IMMP2L: variants seen among roughly 807,000 people sequenced by gnomAD.
IMMP2L encodes the protein inner mitochondrial membrane peptidase subunit 2.
IMMP2L carries 18 observed loss-of-function variants against 19.3 expected under a neutral mutation model. The observed-to-expected ratio is 0.93, with a 90% confidence interval of 0.64 to 1.38. IMMP2L has a LOEUF of 1.38. Ranked by LOEUF, IMMP2L falls within the 40% of genes most tolerant of loss-of-function variation. The probability of loss-of-function intolerance (pLI) is 0.00; values close to 1 mark genes in which losing one functional copy is unlikely to be tolerated. For missense variants in IMMP2L, 233 were observed against 218.2 expected, an observed-to-expected ratio of 1.07 and a Z score of -0.43; for synonymous variants, 76 against 73.0, an observed-to-expected ratio of 1.04 and a Z score of -0.21.
At chr7:111,369,295 C>T (rs1222982006) in intron 3 of IMMP2L, among the ~76,000 whole-genome samples, 1 of 151,930 alleles carries the variant, frequency 6.6e-6, no homozygotes, top group African/African-American at 2.4e-5. Context: ...AATGCATCTT[C>T]TATAGGTTTT....
chr7:111,199,046 T>C (rs1809813774), intron 3 of IMMP2L, among the ~76,000 whole-genome samples: 1 of 152,172 alleles, frequency 6.6e-6, no homozygotes, highest in Non-Finnish European at 1.5e-5. Context: ...CACTACATTT[T>C]CGAACTGCAT....
At chr7:111,018,588 A>T (rs923748823) in intron 3 of IMMP2L, among the ~76,000 whole-genome samples, 3 of 152,150 alleles carry the variant, frequency 2.0e-5, no homozygotes, top group African/African-American at 4.8e-5. Flanking sequence ...AGTATTTTGC[A>T]TAAACTCATT....
chr7:111,414,097 T>A (rs140233294), intron 3 of IMMP2L, among the ~76,000 whole-genome samples: 1 of 151,694 alleles, frequency 6.6e-6, no homozygotes, highest in Non-Finnish European at 1.5e-5. Flanking sequence ...TGCAGTGAAC[T>A]TGACCCCCTC....
At chr7:111,515,167 C>T (rs1845776913) in intron 2 of IMMP2L, among the ~76,000 whole-genome samples, 1 of 152,110 alleles carries the variant, frequency 6.6e-6, no homozygotes, top group South Asian at 2.1e-4. Context: ...GGCCTGGTTG[C>T]AAGCTGCATG....
chr7:111,196,686 T>C (rs117530856), intron 3 of IMMP2L, among the ~76,000 whole-genome samples: 8,561 of 152,264 alleles, frequency 0.056, 326 homozygotes, highest in Middle Eastern at 0.1. Flanking sequence ...ATGATTTAAA[T>C]TTAAATAATC....
At chr7:111,292,792 T>C (rs1460849854) in intron 3 of IMMP2L, among the ~76,000 whole-genome samples, 1 of 152,032 alleles carries the variant, frequency 6.6e-6, no homozygotes, top group Non-Finnish European at 1.5e-5. Context: ...GAAAAATGAA[T>C]TGAGTTAATA....
intron 3 of IMMP2L, among the ~76,000 whole-genome samples, chr7:111,043,800 C>T (rs566298429): frequency 1.3e-5 from 2 of 152,222 alleles, no homozygotes; most frequent in South Asian, 2.1e-4. Flanking sequence ...GAAGACAATG[C>T]TTTTAATTAC....
At chr7:111,489,859 T>C (rs909192157) in intron 2 of IMMP2L, among the ~76,000 whole-genome samples, 18 of 152,130 alleles carry the variant, frequency 1.2e-4, no homozygotes, top group Non-Finnish European at 2.5e-4. Context: ...GAATTTGTTA[T>C]CATTTCAACA....
chr7:111,284,062 T>C (rs1423732819), intron 3 of IMMP2L, among the ~76,000 whole-genome samples: 1 of 151,754 alleles, frequency 6.6e-6, no homozygotes, highest in Non-Finnish European at 1.5e-5. Context: ...TACCATTTTC[T>C]CCTCAGTATA....
chr7:111,196,593 T>C (rs1809529168), intron 3 of IMMP2L, among the ~76,000 whole-genome samples: 1 of 152,164 alleles, frequency 6.6e-6, no homozygotes, highest in Non-Finnish European at 1.5e-5. Context: ...AAGCAATACA[T>C]GCTCATTGTG....
At chr7:111,276,185 T>C (rs575387650) in intron 3 of IMMP2L, among the ~76,000 whole-genome samples, 88 of 152,258 alleles carry the variant, frequency 5.8e-4, no homozygotes, top group Non-Finnish European at 8.5e-4. Flanking sequence ...AAGGAAATTT[T>C]TGCATCTATT....
intron 2 of IMMP2L, among the ~76,000 whole-genome samples, chr7:111,511,125 T>A (rs1374536278): frequency 1.3e-5 from 2 of 151,954 alleles, no homozygotes; most frequent in East Asian, 3.9e-4. Flanking sequence ...CAAGAAATCA[T>A]CCATTCATCA....
chr7:110,765,061 G>A (rs944215759), intron 5 of IMMP2L, among the ~76,000 whole-genome samples: 1 of 151,974 alleles, frequency 6.6e-6, no homozygotes, highest in Non-Finnish European at 1.5e-5. Context: ...TAGACATTTT[G>A]CCGCTATATT....
At chr7:111,009,383 T>C (rs1314757974) in intron 3 of IMMP2L, among the ~76,000 whole-genome samples, 2 of 152,094 alleles carry the variant, frequency 1.3e-5, no homozygotes, top group Non-Finnish European at 2.9e-5. Context: ...TCTGAGTGTA[T>C]TTTTTATTTT....
intron 3 of IMMP2L, among the ~76,000 whole-genome samples, chr7:111,364,109 A>G (rs995592696): frequency 1.3e-5 from 2 of 152,054 alleles, no homozygotes; most frequent in African/African-American, 4.8e-5. Flanking sequence ...ATATATTTAT[A>G]TCTCTGTTTC....
chr7:110,888,935 T>C (rs78708598), intron 4 of IMMP2L, among the ~76,000 whole-genome samples: 1 of 152,130 alleles, frequency 6.6e-6, no homozygotes, highest in African/African-American at 2.4e-5. Flanking sequence ...AATGACCAAA[T>C]GAATGAATAT....
rs527789258 is a variant in IMMP2L at position 110,829,023 on chromosome 7, T to A, written c.408+57570A>T. ...TTAGAAGTAACATCATTTCCAATAC[T>A]TCATATATGTATGGCTATTTAAAGT... On this transcript the variant is annotated intron_variant, in intron 5 of 5. Coordinates refer to ENST00000405709, the MANE Select transcript of IMMP2L (RefSeq NM_032549.4). Among the ~76,000 whole-genome samples, 25 of 152,190 alleles carry A rather than the reference T, an allele frequency of 1.6e-4. 1 individual carries two copies. The highest frequency in any genetic ancestry group is 2.8e-4 in the Non-Finnish European group (19 of 68,034).
intron 5 of IMMP2L, among the ~76,000 whole-genome samples, chr7:110,830,195 C>T (rs1803846042): frequency 1.3e-5 from 2 of 152,090 alleles, no homozygotes. Flanking sequence ...AAGGGACATT[C>T]TAATCTTGTG....
rs77638091 is a variant in IMMP2L at position 111,377,872 on chromosome 7, TATC to T, written c.239+109363_239+109365del. On this transcript the variant is annotated intron_variant, in intron 3 of 5. Transcript: ENST00000405709. Reference sequence around the variant, plus strand: ...CAACTACACATCCACATATATATCTTATCATAATACTATACATAGTATTAATGT... The same window carrying T: ...CAACTACACATCCACATATATATCTTATAATACTATACATAGTATTAATGT... Among the ~76,000 whole-genome samples the T allele has an allele frequency of 4.1e-3, 617 of 152,154 alleles. 1 individual carries two copies. Among genetic ancestry groups the T allele is most frequent in the Non-Finnish European group, 6.8e-3 (464 of 67,984 alleles).
Sources: gnomAD v4.1 joint callset for allele counts (sites outside exome capture counted in the v4.1 genomes callset) on GRCh38, gnomAD v4.1.1 for gene constraint, MANE v1.5 for transcripts, NCBI Gene and HGNC (gene_info 2026-07-23, HGNC 2026-07-21) for gene names.